SLC25A26: variants seen among roughly 807,000 people sequenced by gnomAD.
The protein encoded by SLC25A26 is solute carrier family 25 member 26, also known as mitochondrial S-adenosylmethionine carrier protein.
A neutral mutation model predicts 37.8 loss-of-function variants in SLC25A26; 36 were observed. That is an observed-to-expected ratio of 0.95 (90% CI 0.73 to 1.26). The LOEUF is 1.26. Ranked by LOEUF, SLC25A26 falls within the 50% of genes most tolerant of loss-of-function variation. The pLI, the probability that SLC25A26 is intolerant of heterozygous loss-of-function variation, is 0.00. For missense variants in SLC25A26, 390 were observed against 331.1 expected, an observed-to-expected ratio of 1.18 and a Z score of -1.38; for synonymous variants, 129 against 122.5, an observed-to-expected ratio of 1.05 and a Z score of -0.35.
At chr3:66,371,367 G>C in intron 9 of SLC25A26, 2 of 1,537,126 alleles carry the variant, frequency 1.3e-6, no homozygotes, top group Non-Finnish European at 1.8e-6. Flanking sequence ...GTGTACCTTT[G>C]GCAGTTTTAA....
chr3:66,362,560 G>A (rs1384087430), intron 6 of SLC25A26, among the ~76,000 whole-genome samples: 2 of 152,216 alleles, frequency 1.3e-5, no homozygotes, highest in Non-Finnish European at 2.9e-5. Flanking sequence ...AAGAAAACTT[G>A]TGGGTCATGA....
intron 5 of SLC25A26, among the ~76,000 whole-genome samples, chr3:66,291,355 A>C (rs1195326380): frequency 6.6e-6 from 1 of 151,416 alleles, no homozygotes; most frequent in African/African-American, 2.4e-5. Context: ...CTAGCGTTTG[A>C]ATTTGTTTGC....
intron 9 of SLC25A26, chr3:66,371,463 A>C: frequency 7.4e-7 from 1 of 1,351,512 alleles, no homozygotes; most frequent in Non-Finnish European, 9.5e-7. Context: ...CACATCCTAG[A>C]TTGAAATTTT....
intron 1 of SLC25A26, among the ~76,000 whole-genome samples, chr3:66,173,866 T>A (rs906866070): frequency 6.6e-6 from 1 of 151,596 alleles, no homozygotes; most frequent in Non-Finnish European, 1.5e-5. Flanking sequence ...GCCTGGCCAA[T>A]ATGGTGTAAC....
intron 5 of SLC25A26, among the ~76,000 whole-genome samples, chr3:66,288,685 A>G (rs1370476778): frequency 6.6e-6 from 1 of 152,132 alleles, no homozygotes. Flanking sequence ...CATAGTATTC[A>G]ATGATGTATA....
At chr3:66,345,607 C>G (rs1002114938) in intron 5 of SLC25A26, among the ~76,000 whole-genome samples, 2 of 151,630 alleles carry the variant, frequency 1.3e-5, no homozygotes, top group Non-Finnish European at 2.9e-5. Context: ...TTTCTCTCTC[C>G]CCTTCTCTTC....
At chr3:66,168,549 C>T (rs2070456205) in intron 1 of SLC25A26, among the ~76,000 whole-genome samples, 1 of 152,192 alleles carries the variant, frequency 6.6e-6, no homozygotes, top group East Asian at 1.9e-4. Flanking sequence ...ACTGTAATTA[C>T]TTTTATTTTT....
intron 1 of SLC25A26, among the ~76,000 whole-genome samples, chr3:66,170,791 G>GTTTTTTTTTTTTTTTTTTT (rs36147154): frequency 2.0e-5 from 1 of 50,894 alleles, no homozygotes; most frequent in African/African-American, 7.4e-5. Context: ...TGTGATTATT[G>GTTTTTTTTTTTTTTTTTTT]TTTTTTTTTT....
chr3:66,175,126 TATATATATATATATACACAC>T (rs999536921), intron 1 of SLC25A26, among the ~76,000 whole-genome samples: 1 of 92,046 alleles, frequency 1.1e-5, no homozygotes, highest in Non-Finnish European at 2.3e-5. Context: ...TATATATATA[TATATATATATATATACACAC>T]ACACACACAC....
chr3:66,156,246 A>T (rs1007226021), intron 1 of SLC25A26, among the ~76,000 whole-genome samples: 7 of 152,210 alleles, frequency 4.6e-5, no homozygotes, highest in African/African-American at 7.2e-5. Flanking sequence ...CTGGGTGCCT[A>T]CTGTGTAACA....
chr3:66,221,497 A>G (rs1454412362), intron 1 of SLC25A26, among the ~76,000 whole-genome samples: 4 of 151,550 alleles, frequency 2.6e-5, no homozygotes, highest in Non-Finnish European at 5.9e-5. Context: ...CAAAAACCTT[A>G]CTCACATCGC....
chr3:66,275,631 A>G (rs547570167), intron 5 of SLC25A26, among the ~76,000 whole-genome samples: 2 of 152,104 alleles, frequency 1.3e-5, no homozygotes, highest in Non-Finnish European at 2.9e-5. Flanking sequence ...TACATTTAGC[A>G]AGAATTATGG....
At chr3:66,248,696 CAAGTGTCCTTTAT>C (rs2072956134) in intron 3 of SLC25A26, among the ~76,000 whole-genome samples, 1 of 152,270 alleles carries the variant, frequency 6.6e-6, no homozygotes, top group African/African-American at 2.4e-5. Context: ...GTGTCCTTTT[CAAGTGTCCTTTAT>C]GGTCCTGTTC....
chr3:66,304,708 C>G (rs972820886), intron 5 of SLC25A26, among the ~76,000 whole-genome samples: 1 of 152,200 alleles, frequency 6.6e-6, no homozygotes, highest in African/African-American at 2.4e-5. Context: ...TCCTTTCTCT[C>G]TGTACATGGG....
At chr3:66,289,751 G>A (rs139003290) in intron 5 of SLC25A26, among the ~76,000 whole-genome samples, 1,944 of 152,234 alleles carry the variant, frequency 0.013, 45 homozygotes, top group African/African-American at 0.043. Flanking sequence ...GTCAGGTAGC[G>A]TGATGCCTCC....
At chr3:66,213,469 T>G (rs2071315517) in intron 1 of SLC25A26, among the ~76,000 whole-genome samples, 1 of 149,168 alleles carries the variant, frequency 6.7e-6, no homozygotes, top group African/African-American at 2.5e-5. Flanking sequence ...ATATTTAATG[T>G]AATTTTTTTT....
chr3:66,136,590 C>T (rs542509703), intron 1 of SLC25A26, among the ~76,000 whole-genome samples: 14 of 152,252 alleles, frequency 9.2e-5, no homozygotes, highest in African/African-American at 2.6e-4. Context: ...TTTCATGTTC[C>T]AGTTGATGCT....
chr3:66,313,100 T>G (rs975288165), intron 5 of SLC25A26, among the ~76,000 whole-genome samples: 1 of 152,226 alleles, frequency 6.6e-6, no homozygotes, highest in Non-Finnish European at 1.5e-5. Flanking sequence ...GATGATAGTT[T>G]CTTTTGCTGT....
rs373304440 is a variant in SLC25A26 at position 66,369,488 on chromosome 3, C to T, written c.579C>T (p.Ala193=). The part of the protein sequence containing the change: ...AVCGAFAGGF[A]AAVTTPLDVA... ...GTATTATTTGTACAGGTGGATTTGC[C>T]GCTGCAGTCACCACCCCTCTAGACG... The change falls in exon 8 of 10, where the codon GCC becomes GCT. Residue 193 remains alanine (A), a synonymous_variant. Transcript: ENST00000354883. 1.6e-5 allele frequency: 25 copies of T among 1,604,192 alleles called. No individual in the cohort carries two copies. The highest frequency in any genetic ancestry group is 1.7e-4 in the Middle Eastern group (1 of 6,052).
Sources: allele counts gnomAD v4.1 joint callset (sites outside exome capture counted in the v4.1 genomes callset), GRCh38; gene constraint gnomAD v4.1.1; transcripts MANE v1.5; gene names NCBI Gene and HGNC (gene_info 2026-07-23, HGNC 2026-07-21).